Variants in ESR1 observed in about 807,000 individuals in gnomAD.
ESR1 encodes the protein estrogen receptor.
Under a neutral mutation model 52.7 loss-of-function variants are expected in ESR1, and 12 were observed. The observed-to-expected ratio is 0.23, with a 90% confidence interval of 0.15 to 0.37. The LOEUF (loss-of-function observed/expected upper bound fraction) is 0.37. Among genes scored for constraint, ESR1 ranks in the 10% least tolerant of loss-of-function variants. ESR1 has a pLI of 1.00. For missense variants in ESR1, 584 were observed against 779.7 expected (o/e 0.75, Z 2.99); for synonymous variants, 305 against 316.8 (o/e 0.96, Z 0.39).
At chr6:151,819,732 C>A (rs9479121) in intron 1 of ESR1, among the ~76,000 whole-genome samples, 1 of 151,948 alleles carries the variant, frequency 6.6e-6, no homozygotes, top group African/African-American at 2.4e-5. Context: ...AAATAAAGTG[C>A]GCAATAAATG....
chr6:152,087,842 G>C (rs1585192867), intron 6 of ESR1, among the ~76,000 whole-genome samples: 1 of 152,306 alleles, frequency 6.6e-6, no homozygotes, highest in African/African-American at 2.4e-5. Flanking sequence ...TTAATGGAGA[G>C]TGTTTTAAAA....
At chr6:151,812,566 T>C (rs1778985369) in intron 1 of ESR1, among the ~76,000 whole-genome samples, 1 of 152,206 alleles carries the variant, frequency 6.6e-6, no homozygotes, top group Middle Eastern at 3.2e-3. Flanking sequence ...TATATTTTTC[T>C]AAAATCCGTA....
intron 3 of ESR1, among the ~76,000 whole-genome samples, chr6:151,896,058 C>T (rs1244910372): frequency 2.0e-5 from 3 of 152,188 alleles, no homozygotes; most frequent in Non-Finnish European, 4.4e-5. Flanking sequence ...AAAGGACTCT[C>T]AAAGTGTTGG....
chr6:151,686,255 C>G (rs1194530687), upstream of ESR1, among the ~76,000 whole-genome samples: 2 of 151,942 alleles, frequency 1.3e-5, no homozygotes, highest in Admixed American at 6.6e-5. Flanking sequence ...TAAGCTTGAA[C>G]TAGGGCTTTC....
intron 2 of ESR1, among the ~76,000 whole-genome samples, chr6:151,847,632 G>A (rs1162960027): frequency 1.5e-5 from 2 of 134,052 alleles, no homozygotes; most frequent in African/African-American, 5.7e-5. Context: ...TGTAGATTCT[G>A]GATATTAGCC....
downstream of ESR1, among the ~76,000 whole-genome samples, chr6:152,107,750 T>G (rs769503319): frequency 7.2e-5 from 11 of 152,260 alleles, no homozygotes; most frequent in South Asian, 2.1e-4. Context: ...TTGTTGCTAC[T>G]GCTTGATTTT....
chr6:151,660,060 C>T (rs1466833980), intron 1 of ESR1, among the ~76,000 whole-genome samples: 2 of 152,200 alleles, frequency 1.3e-5, no homozygotes, highest in African/African-American at 2.4e-5. Context: ...CAGATTAGCA[C>T]TTTAGAATTC....
chr6:151,960,239 A>G (rs2037496887), intron 4 of ESR1, among the ~76,000 whole-genome samples: 1 of 152,206 alleles, frequency 6.6e-6, no homozygotes, highest in African/African-American at 2.4e-5. Flanking sequence ...TTTTTGGGAT[A>G]CACCAAGCCC....
intron 6 of ESR1, among the ~76,000 whole-genome samples, chr6:152,108,422 T>C (rs926040949): frequency 1.3e-5 from 2 of 152,398 alleles, no homozygotes; most frequent in South Asian, 4.1e-4. Context: ...CTCAGATTGT[T>C]ATACATCTTT....
chr6:151,685,305 T>C (rs1778621763), intron 1 of ESR1, among the ~76,000 whole-genome samples: 2 of 150,304 alleles, frequency 1.3e-5, no homozygotes, highest in South Asian at 4.2e-4. Context: ...GGCTAATTTT[T>C]TGTATTTTTA....
intron 6 of ESR1, among the ~76,000 whole-genome samples, chr6:152,119,340 G>T (rs963693779): frequency 1.3e-5 from 2 of 152,014 alleles, no homozygotes; most frequent in Non-Finnish European, 2.9e-5. Flanking sequence ...AGCTACTGTG[G>T]GTCCATTTTC....
intron 1 of ESR1, among the ~76,000 whole-genome samples, chr6:151,827,916 A>G (rs1781779545): frequency 6.6e-6 from 1 of 152,200 alleles, no homozygotes; most frequent in South Asian, 2.1e-4. Context: ...TTCTTTTCAT[A>G]AATGTTATAC....
At chr6:151,686,064 A>ATTTT (rs557270210), upstream of ESR1, among the ~76,000 whole-genome samples, 1,443 of 113,680 alleles carry the variant, frequency 0.013, 5 homozygotes, top group Non-Finnish European at 0.016. Flanking sequence ...AATTAAAACA[A>ATTTT]TTTTTTTTTT....
chr6:151,684,962 TG>T (rs1582885641), intron 1 of ESR1, among the ~76,000 whole-genome samples: 1 of 152,210 alleles, frequency 6.6e-6, no homozygotes, highest in East Asian at 1.9e-4. Context: ...TCACTTTGTT[TG>T]TTCTGAGGGG....
At chr6:151,948,211 G>GTT (rs141929405) in intron 4 of ESR1, among the ~76,000 whole-genome samples, 1 of 151,930 alleles carries the variant, frequency 6.6e-6, no homozygotes, top group Non-Finnish European at 1.5e-5. Flanking sequence ...ATACATCTGA[G>GTT]TTTTTTTCCC....
chr6:151,756,079 C>T lies in ESR1; in HGVS notation c.-70-51764C>T, dbSNP rs576648628. ...CTCTGACCCAGAACTTTTCTGTTTG[C>T]TATTTCCTCAAGTGCATATCTTGTT... On this transcript the variant is annotated intron_variant, in intron 2 of 2. Coordinates refer to the ESR1 transcript ENST00000404742. 2.0e-5 allele frequency among the ~76,000 whole-genome samples: 3 copies of T among 152,258 alleles called. No individual in the cohort carries two copies. The South Asian group carries it at 6.2e-4, about 32-fold the overall frequency.
intron 6 of ESR1, among the ~76,000 whole-genome samples, chr6:152,092,378 C>T (rs1184549350): frequency 6.6e-6 from 1 of 152,190 alleles, no homozygotes; most frequent in African/African-American, 2.4e-5. Flanking sequence ...AGTTTTAAAC[C>T]TTAGCCATTT....
At chr6:151,988,359 A>C (rs1231497249) in intron 4 of ESR1, among the ~76,000 whole-genome samples, 2 of 152,058 alleles carry the variant, frequency 1.3e-5, no homozygotes, top group African/African-American at 4.8e-5. Flanking sequence ...TCCTATGAGA[A>C]TCTAATGCTG....
chr6:151,936,020 A>G (rs1391331536), intron 3 of ESR1: 1 of 152,224 alleles, frequency 6.6e-6, no homozygotes, highest in African/African-American at 2.4e-5. Context: ...TGCTCCTACA[A>G]CAGGGTATAT....
Sources: allele counts gnomAD v4.1 joint callset (sites outside exome capture counted in the v4.1 genomes callset), GRCh38; gene constraint gnomAD v4.1.1; transcripts MANE v1.5; gene names NCBI Gene and HGNC (gene_info 2026-07-23, HGNC 2026-07-21).